The following KIAA1217 variants were observed in gnomAD, a reference collection of about 807,000 sequenced individuals.
KIAA1217 encodes the protein sickle tail protein homolog.
A neutral mutation model predicts 163.9 loss-of-function variants in KIAA1217; 88 were observed. The ratio of observed to expected loss-of-function variants is 0.54; its 90% CI spans 0.45 to 0.64. KIAA1217 has a LOEUF of 0.64. Among genes scored for constraint, KIAA1217 ranks in the 30% least tolerant of loss-of-function variants. KIAA1217 has a pLI of 0.00. For synonymous variants in KIAA1217, 903 were observed against 923.1 expected (o/e 0.98, Z 0.39); for missense variants, 2,372 against 2,475.0 (o/e 0.96, Z 0.88).
At chr10:23,768,565 T>A (rs1056451316) in intron 1 of KIAA1217, among the ~76,000 whole-genome samples, 4 of 152,212 alleles carry the variant, frequency 2.6e-5, no homozygotes, top group African/African-American at 9.6e-5. Flanking sequence ...ATTTTACCAT[T>A]CAGGAACAAA....
At chr10:24,264,515 A>G (rs890491231) in intron 2 of KIAA1217, among the ~76,000 whole-genome samples, 5 of 152,136 alleles carry the variant, frequency 3.3e-5, no homozygotes, top group African/African-American at 9.7e-5. Flanking sequence ...GAAAAGAAAA[A>G]ATACACACAC....
chr10:24,132,126 C>T (rs978893534), intron 2 of KIAA1217, among the ~76,000 whole-genome samples: 3 of 152,162 alleles, frequency 2.0e-5, no homozygotes, highest in Non-Finnish European at 4.4e-5. Context: ...TAGAAAATCA[C>T]GAAGGACTGC....
At chr10:24,521,042 GTTT>G (rs35646554) in intron 11 of KIAA1217, among the ~76,000 whole-genome samples, 1 of 111,446 alleles carries the variant, frequency 9.0e-6, no homozygotes, top group South Asian at 3.1e-4. Flanking sequence ...AAAAAAAAAA[GTTT>G]TTTTTTTTTT....
At chr10:24,220,917 C>T (rs1220805054) in intron 2 of KIAA1217, among the ~76,000 whole-genome samples, 2 of 151,960 alleles carry the variant, frequency 1.3e-5, no homozygotes, top group Non-Finnish European at 2.9e-5. Context: ...CAGCACCATG[C>T]CTGGCTCATT....
intron 2 of KIAA1217, among the ~76,000 whole-genome samples, chr10:24,236,354 A>G (rs1028995816): frequency 1.3e-5 from 2 of 151,994 alleles, no homozygotes; most frequent in African/African-American, 4.8e-5. Context: ...AGATTCAAGC[A>G]ATTGTCCTGC....
intron 2 of KIAA1217, among the ~76,000 whole-genome samples, chr10:24,198,122 A>G (rs575926445): frequency 7.1e-4 from 108 of 152,240 alleles, no homozygotes; most frequent in Non-Finnish European, 1.4e-3. Context: ...ACCGAATGCC[A>G]TTATTCAAAA....
At chr10:23,989,995 G>C (rs943988377) in intron 1 of KIAA1217, among the ~76,000 whole-genome samples, 2 of 152,188 alleles carry the variant, frequency 1.3e-5, no homozygotes, top group East Asian at 3.8e-4. Flanking sequence ...CTAGCACAAA[G>C]TACACACCAA....
At chr10:24,401,475 C>T (rs1191903379) in intron 3 of KIAA1217, among the ~76,000 whole-genome samples, 1 of 152,002 alleles carries the variant, frequency 6.6e-6, no homozygotes, top group Non-Finnish European at 1.5e-5. Flanking sequence ...TATGAACAGG[C>T]TGAAGAAGGA....
chr10:23,816,836 C>T (rs753023278), intron 1 of KIAA1217, among the ~76,000 whole-genome samples: 6 of 152,144 alleles, frequency 3.9e-5, no homozygotes, highest in Non-Finnish European at 7.3e-5. Flanking sequence ...TGGTGGAAAT[C>T]GGCCTTTGGG....
chr10:24,356,457 G>A (rs542887702), intron 2 of KIAA1217, among the ~76,000 whole-genome samples: 1 of 152,284 alleles, frequency 6.6e-6, no homozygotes, highest in African/African-American at 2.4e-5. Context: ...GGCCTTCCTT[G>A]ATAATAACCT....
chr10:23,799,868 G>A (rs904451440), intron 1 of KIAA1217, among the ~76,000 whole-genome samples: 1 of 152,170 alleles, frequency 6.6e-6, no homozygotes, highest in Admixed American at 6.5e-5. Context: ...GTTCAAAAAG[G>A]CAGCAAACAG....
chr10:24,385,793 G>A (rs145672580), intron 3 of KIAA1217, among the ~76,000 whole-genome samples: 2 of 152,282 alleles, frequency 1.3e-5, no homozygotes, highest in African/African-American at 4.8e-5. Flanking sequence ...AGACTAAAAA[G>A]TAAAGTGAAA....
At chr10:24,077,422 A>G (rs2061402717) in intron 2 of KIAA1217, among the ~76,000 whole-genome samples, 1 of 152,120 alleles carries the variant, frequency 6.6e-6, no homozygotes, top group Non-Finnish European at 1.5e-5. Context: ...GTAAGTGAAA[A>G]CATATGGTAT....
chr10:23,990,222 C>T (rs945137150), intron 1 of KIAA1217, among the ~76,000 whole-genome samples: 10 of 152,170 alleles, frequency 6.6e-5, no homozygotes, highest in African/African-American at 2.4e-4. Context: ...AATGTATTCT[C>T]TTCTAACCTC....
At chr10:23,711,932 G>C (rs1194350712) in intron 1 of KIAA1217, among the ~76,000 whole-genome samples, 1 of 152,168 alleles carries the variant, frequency 6.6e-6, no homozygotes, top group Non-Finnish European at 1.5e-5. Context: ...GAATCGCAGA[G>C]AAACATGCTC....
intron 3 of KIAA1217, among the ~76,000 whole-genome samples, chr10:24,396,281 G>A (rs972668907): frequency 5.9e-5 from 9 of 152,084 alleles, no homozygotes; most frequent in African/African-American, 2.2e-4. Flanking sequence ...AGGTTGCAGA[G>A]AGCAGAGATT....
intron 2 of KIAA1217, among the ~76,000 whole-genome samples, chr10:24,068,933 A>G (rs2061076870): frequency 6.6e-6 from 1 of 152,222 alleles, no homozygotes; most frequent in African/African-American, 2.4e-5. Context: ...AGTAGCCCTC[A>G]GGCATGTAGA....
intron 2 of KIAA1217, among the ~76,000 whole-genome samples, chr10:24,184,200 G>A (rs1453771469): frequency 1.3e-5 from 2 of 152,190 alleles, no homozygotes; most frequent in Admixed American, 6.5e-5. Flanking sequence ...GAATGTGTAC[G>A]TATGGTTTAA....
chr10:23,858,195 G>A (rs1839790463), intron 1 of KIAA1217, among the ~76,000 whole-genome samples: 1 of 152,046 alleles, frequency 6.6e-6, no homozygotes, highest in African/African-American at 2.4e-5. Context: ...ATCCTGCCAG[G>A]TCTCAGTTTC....
Sources: allele counts gnomAD v4.1 joint callset (sites outside exome capture counted in the v4.1 genomes callset), GRCh38; gene constraint gnomAD v4.1.1; transcripts MANE v1.5; gene names NCBI Gene and HGNC (gene_info 2026-07-23, HGNC 2026-07-21).